The following PHF2 variants were observed in gnomAD, a reference collection of about 807,000 sequenced individuals.
The protein encoded by PHF2 is PHD finger protein 2, also known as lysine-specific demethylase PHF2.
A neutral mutation model predicts 120.5 loss-of-function variants in PHF2; 27 were observed. The ratio of observed to expected loss-of-function variants is 0.22; its 90% CI spans 0.17 to 0.31. The LOEUF is 0.31. PHF2 is among the 10% of genes least tolerant of loss of function. PHF2 has a pLI of 1.00. For synonymous variants in PHF2, 568 were observed against 592.5 expected, an observed-to-expected ratio of 0.96 and a Z score of 0.60; for missense variants, 1,024 against 1,434.8, an observed-to-expected ratio of 0.71 and a Z score of 4.63.
intron 1 of PHF2, among the ~76,000 whole-genome samples, chr9:93,624,823 ATGG>A (rs904052337): frequency 1.4e-5 from 2 of 144,418 alleles, no homozygotes; most frequent in Non-Finnish European, 3.0e-5. Context: ...GGTGATGATG[ATGG>A]TGATGATGAT....
chr9:93,675,338 C>T (rs1826889163), intron 19 of PHF2, among the ~76,000 whole-genome samples: 1 of 152,252 alleles, frequency 6.6e-6, no homozygotes, highest in Admixed American at 6.5e-5. Flanking sequence ...CACCTTTGTA[C>T]CGGAGGCACC....
intron 7 of PHF2, among the ~76,000 whole-genome samples, chr9:93,655,142 G>A (rs1049730579): frequency 6.6e-6 from 1 of 152,156 alleles, no homozygotes; most frequent in Non-Finnish European, 1.5e-5. Flanking sequence ...ATTTCTGAAG[G>A]GCTTCCTTTC....
Position 93,665,696 on chromosome 9 carries a change from C to G in PHF2, c.1948C>G (p.Leu650Val). The change falls in exon 15 of 22, where the codon CTC becomes GTC. Residue 650 changes from leucine to valine, a missense_variant. Physicochemically the swap from Leu to Val is conservative, Grantham distance 32. This residue lies in a region of PHF2 where 677 missense variants were observed against 857.4 expected (regional missense o/e 0.79). Coordinates refer to ENST00000359246, the MANE Select transcript of PHF2 (RefSeq NM_005392.4). ...TCGCTTCTGCCCTAGCTCCAAGGCT[C>G]TCAGGCCCCCGACGAGCCCTGGTGT... ...SNKKLLGSKA[L>V]RPPTSPGVFG... 1.9e-6 allele frequency: 3 copies of G among 1,613,744 alleles called. No individual in the cohort carries two copies. The highest frequency in any genetic ancestry group is 2.5e-6 in the Non-Finnish European group (3 of 1,180,010).
intron 14 of PHF2, among the ~76,000 whole-genome samples, chr9:93,665,247 T>G (rs1826653758): frequency 1.3e-5 from 2 of 152,256 alleles, no homozygotes; most frequent in Non-Finnish European, 2.9e-5. Flanking sequence ...ATTCAGCATG[T>G]GCCAGGATTC....
At chr9:93,663,767 TCACA>T (rs56951431) in intron 14 of PHF2, 132 bp downstream of exon 14, 21 of 573,144 alleles carry the variant, frequency 3.7e-5, no homozygotes, top group South Asian at 7.7e-5. Context: ...ACTCTGCATC[TCACA>T]CACACCACAC....
chr9:93,578,279 C>T (rs1475528764), intron 1 of PHF2, among the ~76,000 whole-genome samples: 1 of 152,124 alleles, frequency 6.6e-6, no homozygotes, highest in African/African-American at 2.4e-5. Context: ...TGGGTATGCC[C>T]AGGGCTGTGG....
At chr9:93,616,450 A>G (rs1462734241) in intron 1 of PHF2, among the ~76,000 whole-genome samples, 3 of 152,156 alleles carry the variant, frequency 2.0e-5, no homozygotes, top group Admixed American at 1.3e-4. Flanking sequence ...GTGGATTTGT[A>G]TTATCAAAAG....
intron 1 of PHF2, among the ~76,000 whole-genome samples, chr9:93,595,855 T>C (rs1403310231): frequency 6.6e-6 from 1 of 152,208 alleles, no homozygotes; most frequent in Non-Finnish European, 1.5e-5. Context: ...TTCTCTATAA[T>C]CCCTGAGTGG....
intron 1 of PHF2, among the ~76,000 whole-genome samples, chr9:93,579,206 G>A (rs1221605666): frequency 6.6e-6 from 1 of 152,196 alleles, no homozygotes; most frequent in African/African-American, 2.4e-5. Context: ...TCCACCTCCA[G>A]ATAGTCTTGT....
intron 1 of PHF2, among the ~76,000 whole-genome samples, chr9:93,577,523 G>A (rs1370964325): frequency 6.6e-6 from 1 of 152,096 alleles, no homozygotes; most frequent in Non-Finnish European, 1.5e-5. Context: ...AGCTAGACCC[G>A]GCAGGCCTGC....
chr9:93,653,230 A>G lies in PHF2; in HGVS notation c.654A>G (p.Val218=). The part of the protein sequence containing the change: ...PPDIVKKLSW[V]ENYWPDDALL... Reference sequence around the variant, plus strand: ...ACATTGTAAAGAAACTGTCATGGGTAGAAAACTACTGGCCAGATGATGCAT... The same window carrying G: ...ACATTGTAAAGAAACTGTCATGGGTGGAAAACTACTGGCCAGATGATGCAT... Residue 218 remains valine, a synonymous_variant, in exon 6 of 22, where the codon GTA becomes GTG. Coordinates refer to ENST00000359246, the MANE Select transcript of PHF2 (RefSeq NM_005392.4). 2 of 1,614,214 alleles carry G rather than the reference A, an allele frequency of 1.2e-6. No individual in the cohort carries two copies. The highest frequency in any genetic ancestry group is 2.2e-5 in the South Asian group (2 of 91,090).
intron 1 of PHF2, among the ~76,000 whole-genome samples, chr9:93,579,582 C>G (rs957321248): frequency 1.3e-5 from 2 of 152,166 alleles, no homozygotes; most frequent in East Asian, 1.9e-4. Context: ...TCCTTACTCT[C>G]GAAAATATTG....
chr9:93,602,575 A>G (rs2131617816), intron 1 of PHF2, among the ~76,000 whole-genome samples: 1 of 150,838 alleles, frequency 6.6e-6, no homozygotes, highest in South Asian at 2.1e-4. Flanking sequence ...TTGTTTATTG[A>G]CTTTGATCAT....
At chr9:93,594,431 T>TCAG (rs1427136635) in intron 1 of PHF2, among the ~76,000 whole-genome samples, 1 of 152,114 alleles carries the variant, frequency 6.6e-6, no homozygotes, top group African/African-American at 2.4e-5. Context: ...GACTCTTGGG[T>TCAG]CAGGGATGGG....
intron 1 of PHF2, among the ~76,000 whole-genome samples, chr9:93,578,393 G>A (rs758113956): frequency 1.3e-5 from 2 of 152,226 alleles, no homozygotes; most frequent in African/African-American, 2.4e-5. Flanking sequence ...GTTCATGGCC[G>A]GGCCAAAGTG....
In PHF2 at chr9:93,678,931, G is replaced by T. The variant is rs150766012; in HGVS notation, c.*1255G>T. Reference sequence around the variant, plus strand: ...TGCCTGAAAAACAAGTGATGTCTGTGCAGCCTTACACTCTGTCTTTACAGA... The same window carrying T: ...TGCCTGAAAAACAAGTGATGTCTGTTCAGCCTTACACTCTGTCTTTACAGA... On this transcript the variant is annotated 3_prime_UTR_variant, in exon 22 of 22. Coordinates refer to ENST00000359246, the MANE Select transcript of PHF2 (RefSeq NM_005392.4). The T allele has an allele frequency of 1.4e-3, 264 of 190,680 alleles. No individual in the cohort carries two copies. Among genetic ancestry groups the T allele is most frequent in the East Asian group, 2.5e-3 (14 of 5,682 alleles). The allele number at this position is 190,680 out of a possible 1,614,324, so 11.8% of individuals were successfully genotyped here. A position where few individuals can be genotyped will look rare whatever the true frequency, so the allele number is the denominator to read the frequency against.
At chr9:93,633,818 C>A (rs958335173) in intron 2 of PHF2, among the ~76,000 whole-genome samples, 3 of 152,066 alleles carry the variant, frequency 2.0e-5, no homozygotes, top group African/African-American at 7.2e-5. Context: ...GAGGACGCCC[C>A]CACCCTGCCA....
intron 16 of PHF2, among the ~76,000 whole-genome samples, chr9:93,666,551 C>T (rs778795441): frequency 2.8e-4 from 42 of 152,230 alleles, no homozygotes; most frequent in Non-Finnish European, 5.4e-4. Flanking sequence ...CCTGTGTGTC[C>T]GTGTGTTGGC....
rs143652182 is a variant in PHF2, at chr9:93,655,598, T to G, written c.953-336T>G. On this transcript the variant is annotated intron_variant, in intron 7 of 21. Transcript: ENST00000359246. ...GTCTGAGTACTGCCCCCTCAAGTGG[T>G]CTGAGTGAGTCCCCTCAGCTCTGGG... is the stretch of plus-strand genomic sequence containing the variant. 4.0e-3 allele frequency among the ~76,000 whole-genome samples: 611 copies of G among 152,342 alleles called. 6 individuals carry two copies. The highest frequency in any genetic ancestry group is 0.014 in the African/African-American group (572 of 41,584).
Sources: allele counts gnomAD v4.1 joint callset (sites outside exome capture counted in the v4.1 genomes callset), GRCh38; gene constraint gnomAD v4.1.1; regional missense constraint gnomAD v4.1.1; transcripts MANE v1.5; gene names NCBI Gene and HGNC (gene_info 2026-07-23, HGNC 2026-07-21).